LSAMP: variants seen among roughly 807,000 people sequenced by gnomAD.
The protein encoded by LSAMP is limbic system-associated membrane protein.
In LSAMP, 7 loss-of-function variants were observed where a neutral mutation model predicts 38.6. The ratio of observed to expected loss-of-function variants is 0.18; its 90% CI spans 0.10 to 0.34. The LOEUF (loss-of-function observed/expected upper bound fraction) is 0.34, where lower values mean the gene tolerates loss of function less well. Among genes scored for constraint, LSAMP ranks in the 10% least tolerant of loss-of-function variants. The pLI, the probability that LSAMP is intolerant of heterozygous loss-of-function variation, is 1.00. For missense variants in LSAMP, 313 were observed against 420.0 expected, an observed-to-expected ratio of 0.75 and a Z score of 2.23; for synonymous variants, 154 against 166.8, an observed-to-expected ratio of 0.92 and a Z score of 0.59.
At chr3:115,869,501 A>ATCTTCTTTGCTTTTTAGTATTGT in intron 3 of LSAMP, among the ~76,000 whole-genome samples, 2 of 152,282 alleles carry the variant, frequency 1.3e-5, no homozygotes, top group South Asian at 4.1e-4. Flanking sequence ...AGAAGATGCC[A>ATCTTCTTTGCTTTTTAGTATTGT]CTATCTGGGA....
chr3:116,170,631 G>T (rs774035241), intron 1 of LSAMP, among the ~76,000 whole-genome samples: 7 of 152,056 alleles, frequency 4.6e-5, no homozygotes, highest in Admixed American at 6.6e-5. Context: ...GTCTGGAAAG[G>T]GGTATAATAA....
rs148516897 is a variant in LSAMP, at chr3:116,233,515, C to T, written c.156-146959G>A. On this transcript the variant is annotated intron_variant, in intron 1 of 6. Coordinates refer to ENST00000490035, the MANE Select transcript of LSAMP (RefSeq NM_002338.5). The stretch of plus-strand genomic sequence containing the variant: ...CCACTCTTCCAGTTATTTTGAAATA[C>T]ACATTAAATTACTGTAAATTATAGT... Among the ~76,000 whole-genome samples, 691 of 148,718 alleles carry T rather than the reference C, an allele frequency of 4.6e-3. 2 individuals are homozygous for T. Among genetic ancestry groups the T allele is most frequent in the Non-Finnish European group, 5.9e-3 (394 of 67,310 alleles).
chr3:116,305,126 C>T (rs1010736955), intron 1 of LSAMP, among the ~76,000 whole-genome samples: 2 of 152,088 alleles, frequency 1.3e-5, no homozygotes, highest in Non-Finnish European at 2.9e-5. Flanking sequence ...ATATCCTTCC[C>T]TATTCCCAGA....
At chr3:115,863,036 G>A (rs533852235) in intron 3 of LSAMP, among the ~76,000 whole-genome samples, 1 of 152,282 alleles carries the variant, frequency 6.6e-6, no homozygotes, top group East Asian at 1.9e-4. Context: ...AAACAGCAGC[G>A]ATTTGTCTCC....
intron 3 of LSAMP, among the ~76,000 whole-genome samples, chr3:115,893,991 C>T (rs1936666738): frequency 6.6e-6 from 1 of 152,038 alleles, no homozygotes; most frequent in Non-Finnish European, 1.5e-5. Flanking sequence ...CTTCTGACCC[C>T]TCCTGTGTCA....
At chr3:116,125,019 G>A (rs74441582) in intron 1 of LSAMP, among the ~76,000 whole-genome samples, 2 of 152,050 alleles carry the variant, frequency 1.3e-5, no homozygotes, top group East Asian at 1.9e-4. Flanking sequence ...GAAGAAATTC[G>A]TCTCTGCAGT....
intron 6 of LSAMP, among the ~76,000 whole-genome samples, chr3:115,831,605 A>G (rs920838043): frequency 6.6e-6 from 1 of 152,160 alleles, no homozygotes; most frequent in Non-Finnish European, 1.5e-5. Context: ...CTCAGGAAAC[A>G]ATGTCAACCT....
At chr3:115,861,224 C>T (rs1030604089) in intron 3 of LSAMP, among the ~76,000 whole-genome samples, 5 of 141,920 alleles carry the variant, frequency 3.5e-5, no homozygotes, top group East Asian at 2.1e-4. Flanking sequence ...CCTCCCTACA[C>T]ACCATATAGG....
intron 1 of LSAMP, among the ~76,000 whole-genome samples, chr3:116,264,067 G>T (rs1004681820): frequency 2.0e-5 from 3 of 152,194 alleles, no homozygotes; most frequent in African/African-American, 7.2e-5. Context: ...TGTTACCACA[G>T]GCCTGGCATA....
intron 3 of LSAMP, among the ~76,000 whole-genome samples, chr3:115,859,517 G>A (rs1559854546): frequency 6.6e-6 from 1 of 152,168 alleles, no homozygotes; most frequent in African/African-American, 2.4e-5. Flanking sequence ...GGGTTACTCT[G>A]CTATAGAAAT....
intron 3 of LSAMP, among the ~76,000 whole-genome samples, chr3:115,986,515 G>A (rs183942977): frequency 8.5e-5 from 13 of 152,208 alleles, no homozygotes; most frequent in African/African-American, 2.9e-4. Flanking sequence ...TGAGAAATTG[G>A]CTGAAGAATT....
chr3:116,019,498 C>T lies in LSAMP; in HGVS notation c.514+17G>A, dbSNP rs377328268. 3 of 1,609,826 alleles carry T rather than the reference C, an allele frequency of 1.9e-6. No homozygotes were observed. Among genetic ancestry groups the T allele is most frequent in the African/African-American group, 1.3e-5 (1 of 74,776 alleles). On this transcript the variant is annotated intron_variant, in intron 3 of 6. Transcript: ENST00000490035. ...TTAAACAGCATGTGGCATATTGGAA[C>T]CTGGAGTATTGCTTACCAGTTGGTG...
chr3:116,052,477 T>C (rs1245641191), intron 2 of LSAMP, among the ~76,000 whole-genome samples: 2 of 152,218 alleles, frequency 1.3e-5, no homozygotes, highest in Non-Finnish European at 2.9e-5. Context: ...ATAAAATTTA[T>C]ATTTTTAATA....
intron 1 of LSAMP, among the ~76,000 whole-genome samples, chr3:116,263,983 G>A (rs1006697315): frequency 1.3e-5 from 2 of 152,166 alleles, no homozygotes; most frequent in African/African-American, 4.8e-5. Context: ...ACATCTCCTA[G>A]AGGCTTCGTC....
chr3:116,274,040 G>A (rs1276360345), intron 1 of LSAMP, among the ~76,000 whole-genome samples: 1 of 148,964 alleles, frequency 6.7e-6, no homozygotes, highest in Non-Finnish European at 1.5e-5. Context: ...CTCATTAAAT[G>A]TTACCTCTTC....
At chr3:116,242,118 C>A (rs2046544431) in intron 1 of LSAMP, among the ~76,000 whole-genome samples, 1 of 152,112 alleles carries the variant, frequency 6.6e-6, no homozygotes, top group African/African-American at 2.4e-5. Flanking sequence ...CTCTGTGGAA[C>A]ACAGGAGCAG....
At chr3:116,196,257 G>A (rs1321582612) in intron 1 of LSAMP, among the ~76,000 whole-genome samples, 1 of 152,072 alleles carries the variant, frequency 6.6e-6, no homozygotes, top group Admixed American at 6.6e-5. Flanking sequence ...GTGATGTTAG[G>A]CTTCATTTCA....
chr3:116,078,782 G>T (rs1036064321), intron 2 of LSAMP, among the ~76,000 whole-genome samples: 18 of 151,984 alleles, frequency 1.2e-4, no homozygotes, highest in African/African-American at 3.6e-4. Flanking sequence ...TCATTTTTTT[G>T]AGTACATTCT....
chr3:116,245,434 T>C (rs983737717), intron 1 of LSAMP, among the ~76,000 whole-genome samples: 4 of 152,230 alleles, frequency 2.6e-5, no homozygotes, highest in Admixed American at 1.3e-4. Context: ...ATTTTCTTAT[T>C]GCCCAAGGAG....
Sources: gnomAD v4.1 joint callset for allele counts (sites outside exome capture counted in the v4.1 genomes callset) on GRCh38, gnomAD v4.1.1 for gene constraint, MANE v1.5 for transcripts, NCBI Gene and HGNC (gene_info 2026-07-23, HGNC 2026-07-21) for gene names.